Variants in KCNJ6 observed in about 807,000 individuals in gnomAD.
KCNJ6 encodes G protein-activated inward rectifier potassium channel 2.
A neutral mutation model predicts 34.2 loss-of-function variants in KCNJ6; 9 were observed. That is an observed-to-expected ratio of 0.26 (90% confidence interval 0.16 to 0.46). The LOEUF (loss-of-function observed/expected upper bound fraction) is 0.46. KCNJ6 is among the 20% of genes least tolerant of loss of function. The pLI, the probability that KCNJ6 is intolerant of heterozygous loss-of-function variation, is 1.00. For missense variants in KCNJ6, 236 were observed against 531.3 expected, an observed-to-expected ratio of 0.44 and a Z score of 5.46; for synonymous variants, 196 against 207.1, an observed-to-expected ratio of 0.95 and a Z score of 0.46.
At chr21:37,681,732 G>A (rs2054591540) in intron 3 of KCNJ6, among the ~76,000 whole-genome samples, 1 of 152,082 alleles carries the variant, frequency 6.6e-6, no homozygotes, top group African/African-American at 2.4e-5. Context: ...ACATGTGGCT[G>A]GTGAAATTTG....
At chr21:37,697,030 C>A (rs1034422458) in intron 3 of KCNJ6, among the ~76,000 whole-genome samples, 1 of 152,150 alleles carries the variant, frequency 6.6e-6, no homozygotes, top group African/African-American at 2.4e-5. Context: ...TGGTTTGGAT[C>A]CACAGTCAGG....
chr21:37,901,597 T>C (rs2055817097), intron 1 of KCNJ6, among the ~76,000 whole-genome samples: 1 of 152,214 alleles, frequency 6.6e-6, no homozygotes, highest in South Asian at 2.1e-4. Context: ...ATTTGGATAA[T>C]TGACTCAACC....
At chr21:37,913,339 C>T (rs1021758628) in intron 1 of KCNJ6, among the ~76,000 whole-genome samples, 1 of 152,188 alleles carries the variant, frequency 6.6e-6, no homozygotes, top group Non-Finnish European at 1.5e-5. Context: ...CGGTTTCCTA[C>T]GACTGCAACC....
At chr21:37,781,529 A>G (rs1190712328) in intron 2 of KCNJ6, among the ~76,000 whole-genome samples, 1 of 152,208 alleles carries the variant, frequency 6.6e-6, no homozygotes, top group Non-Finnish European at 1.5e-5. Flanking sequence ...ACTAATGATG[A>G]CAACAATTAT....
chr21:37,848,032 A>G (rs779837012), intron 1 of KCNJ6, among the ~76,000 whole-genome samples: 2 of 152,166 alleles, frequency 1.3e-5, no homozygotes, highest in Non-Finnish European at 2.9e-5. Flanking sequence ...TTGGTGTGAG[A>G]AGAAGAGCAG....
At chr21:37,772,860 G>A (rs1378670707) in intron 2 of KCNJ6, among the ~76,000 whole-genome samples, 1 of 152,112 alleles carries the variant, frequency 6.6e-6, no homozygotes, top group African/African-American at 2.4e-5. Flanking sequence ...TCTTTATGCT[G>A]TATTAAATGT....
At chr21:37,857,704 C>G (rs1230066396) in intron 1 of KCNJ6, among the ~76,000 whole-genome samples, 1 of 152,072 alleles carries the variant, frequency 6.6e-6, no homozygotes, top group African/African-American at 2.4e-5. Context: ...ATTACTGACC[C>G]AGAAAGAAAT....
intron 3 of KCNJ6, among the ~76,000 whole-genome samples, chr21:37,711,311 C>T (rs1320685310): frequency 6.6e-6 from 1 of 152,194 alleles, no homozygotes; most frequent in African/African-American, 2.4e-5. Context: ...ATCCTGTGCC[C>T]AGGATGCCTG....
intron 2 of KCNJ6, among the ~76,000 whole-genome samples, chr21:37,736,093 C>T (rs866939452): frequency 6.6e-6 from 1 of 152,150 alleles, no homozygotes; most frequent in African/African-American, 2.4e-5. Context: ...TGAGCTGAAA[C>T]GTACATACCT....
intron 1 of KCNJ6, among the ~76,000 whole-genome samples, chr21:37,843,962 C>A (rs2055493316): frequency 6.6e-6 from 1 of 152,190 alleles, no homozygotes; most frequent in African/African-American, 2.4e-5. Context: ...CCCTAATTTC[C>A]ATGAATGGCT....
At chr21:37,729,643 G>A (rs190783744) in intron 2 of KCNJ6, among the ~76,000 whole-genome samples, 4 of 152,334 alleles carry the variant, frequency 2.6e-5, no homozygotes, top group East Asian at 3.9e-4. Context: ...TCTTTAAAGC[G>A]ATTTCAAGAA....
At chr21:37,667,186 T>TAAAAAAAAAAAA (rs1569441641) in intron 3 of KCNJ6, among the ~76,000 whole-genome samples, 305 of 86,548 alleles carry the variant, frequency 3.5e-3, no homozygotes, top group Non-Finnish European at 5.1e-3. Context: ...AAAAAAAAAT[T>TAAAAAAAAAAAA]AAATGAGGCA....
chr21:37,711,459 C>T (rs796683581), intron 3 of KCNJ6, among the ~76,000 whole-genome samples: 6 of 152,264 alleles, frequency 3.9e-5, no homozygotes, highest in East Asian at 1.9e-4. Flanking sequence ...AAGTGATGAG[C>T]GCAGGGGAAG....
At chr21:37,766,314 C>T (rs2055090938) in intron 2 of KCNJ6, among the ~76,000 whole-genome samples, 1 of 152,140 alleles carries the variant, frequency 6.6e-6, no homozygotes, top group Admixed American at 6.6e-5. Context: ...AGAGTCCTGT[C>T]TCCAGGGTTT....
chr21:37,607,678 A>G lies in KCNJ6; in HGVS notation c.*17481T>C, dbSNP rs2054229200. 1 of 152,034 alleles carries G rather than the reference A, an allele frequency of 6.6e-6. No homozygotes were observed. Among genetic ancestry groups the G allele is most frequent in the South Asian group, 2.1e-4 (1 of 4,826 alleles). The allele number at this position is 152,034 out of a possible 1,614,324, so 9.4% of individuals were successfully genotyped here. ...TGAGCCCTACCTGGTGTTCCTTCCTAAAAAGCATGGTGGAAAAGTTGGCAA... is the reference window on the plus strand; with the variant it reads ...TGAGCCCTACCTGGTGTTCCTTCCTGAAAAGCATGGTGGAAAAGTTGGCAA... On this transcript the variant is annotated 3_prime_UTR_variant, in exon 4 of 4. Transcript: ENST00000609713.
At chr21:37,632,344 A>C (rs963312700) in intron 3 of KCNJ6, among the ~76,000 whole-genome samples, 6 of 151,978 alleles carry the variant, frequency 3.9e-5, no homozygotes, top group African/African-American at 1.4e-4. Flanking sequence ...TGATATTGAA[A>C]TTCTAAATAT....
intron 1 of KCNJ6, among the ~76,000 whole-genome samples, chr21:37,886,230 T>A (rs2055734904): frequency 6.6e-6 from 1 of 152,178 alleles, no homozygotes; most frequent in Non-Finnish European, 1.5e-5. Flanking sequence ...TCTTTTGTTA[T>A]CAGAGCTCCA....
At chr21:37,727,741 G>T (rs1024912416) in intron 2 of KCNJ6, among the ~76,000 whole-genome samples, 2 of 152,138 alleles carry the variant, frequency 1.3e-5, no homozygotes, top group African/African-American at 4.8e-5. Context: ...GCGAATATTT[G>T]GGAGGAACGG....
intron 3 of KCNJ6, among the ~76,000 whole-genome samples, chr21:37,703,481 C>T (rs1256011239): frequency 6.6e-6 from 1 of 152,124 alleles, no homozygotes; most frequent in African/African-American, 2.4e-5. Flanking sequence ...TGTTGAAAGA[C>T]TGAAGAGAGG....
Sources: allele counts gnomAD v4.1 joint callset (sites outside exome capture counted in the v4.1 genomes callset), GRCh38; gene constraint gnomAD v4.1.1; transcripts MANE v1.5; gene names NCBI Gene and HGNC (gene_info 2026-07-23, HGNC 2026-07-21).